The following PCOLCE2 variants were observed in gnomAD, a reference collection of about 807,000 sequenced individuals.
The protein encoded by PCOLCE2 is procollagen C-endopeptidase enhancer 2.
In PCOLCE2, 42 loss-of-function variants were observed where a neutral mutation model predicts 47.0. That is an observed-to-expected ratio of 0.89 (90% CI 0.70 to 1.16). The LOEUF is 1.16. PCOLCE2 is among the 50% of genes most tolerant of loss of function. The probability of loss-of-function intolerance (pLI) is 0.00; values close to 1 mark genes in which losing one functional copy is unlikely to be tolerated. For missense variants in PCOLCE2, 500 were observed against 526.1 expected, an observed-to-expected ratio of 0.95 and a Z score of 0.49; for synonymous variants, 169 against 191.7, an observed-to-expected ratio of 0.88 and a Z score of 0.98.
chr3:142,862,481 T>C (rs1469862868), intron 2 of PCOLCE2, among the ~76,000 whole-genome samples: 1 of 152,192 alleles, frequency 6.6e-6, no homozygotes, highest in African/African-American at 2.4e-5. Flanking sequence ...TTCCTGTGAG[T>C]TTAAACTTTT....
rs1936975460 is a variant in PCOLCE2, at chr3:142,818,446, C to T, written c.1137G>A (p.Met379Ile). The change falls in exon 9 of 9, where the codon ATG (methionine) becomes ATA (isoleucine). Residue 379 changes from methionine (M) to isoleucine (I), a missense_variant. Met to Ile is a conservative substitution (Grantham distance 10). Transcript: ENST00000295992. ...LLRRGLNYII[M>I]GQVGEDGRGK... The stretch of plus-strand genomic sequence containing the variant: ...CTCGCCCATCTTCACCTACTTGGCC[C>T]ATAATAATGTAATTTAGACCTAAAG... The T allele has an allele frequency of 6.2e-7, 1 of 1,611,788 alleles. No homozygotes were observed. Among genetic ancestry groups the T allele is most frequent in the Non-Finnish European group, 8.5e-7 (1 of 1,178,160 alleles).
chr3:142,883,691 C>T (rs1259193241), intron 2 of PCOLCE2, among the ~76,000 whole-genome samples: 2 of 143,714 alleles, frequency 1.4e-5, no homozygotes, highest in Admixed American at 7.0e-5. Context: ...CGTATGTCTA[C>T]TTTTCTTTAA....
Position 142,888,904 on chromosome 3 carries a change from T to G in PCOLCE2, c.-8A>C. On this transcript the variant is annotated 5_prime_UTR_variant, in exon 1 of 9. Transcript: ENST00000295992. ...GGCGTTCGCGCCCCTCATGGCAGCG[T>G]AGACGCTCGGGGTTTGCACCCCACG... 6.8e-7 allele frequency: 1 copy of G among 1,465,550 alleles called. No individual in the cohort carries two copies. The highest frequency in any genetic ancestry group is 1.4e-5 in the South Asian group (1 of 71,022). The allele number at this position is 1,465,550 out of a possible 1,614,324, so 90.8% of individuals were successfully genotyped here.
chr3:142,884,756 C>T (rs73864484), intron 2 of PCOLCE2, among the ~76,000 whole-genome samples: 22 of 152,304 alleles, frequency 1.4e-4, no homozygotes, highest in African/African-American at 5.3e-4. Flanking sequence ...CTAAGCAGCA[C>T]AGAGCACCTC....
In PCOLCE2 at chr3:142,818,340, A is replaced by G. The variant is rs1936973890; in HGVS notation, c.1243T>C (p.Cys415Arg). Residue 415 changes from cysteine (C) to arginine (R), a missense_variant, in exon 9 of 9, where the codon TGT becomes CGT. Cys to Arg is a radical substitution (Grantham distance 180). Coordinates refer to ENST00000295992, the MANE Select transcript of PCOLCE2 (RefSeq NM_013363.4). The stretch of plus-strand genomic sequence containing the variant: ...TAAATGGACACAGTTCACTGTTAAC[A>G]TTGCTTATTTTTTAAGGCATCCAGG... Reference protein sequence around the residue: ...KLLDALKNKQC With the variant: ...KLLDALKNKQR 1 of 1,613,518 alleles carries G rather than the reference A, an allele frequency of 6.2e-7. No individual in the cohort carries two copies. Among genetic ancestry groups the G allele is most frequent in the East Asian group, 2.2e-5 (1 of 44,870 alleles).
chr3:142,857,803 A>G lies in PCOLCE2; in HGVS notation c.193-9331T>C, dbSNP rs569240686. Among the ~76,000 whole-genome samples the G allele has an allele frequency of 3.3e-5, 5 of 152,252 alleles. No homozygotes were observed. The East Asian group carries it at 9.7e-4, about 29-fold the overall frequency. On this transcript the variant is annotated intron_variant, in intron 2 of 8. Coordinates refer to ENST00000295992, the MANE Select transcript of PCOLCE2 (RefSeq NM_013363.4). ...GTTGAAGGAATAAAAGAATGAAAGA[A>G]TAACAGAGGAGCTTCCTATTACCTG...
chr3:142,847,510 A>G (rs1369296582), intron 3 of PCOLCE2, among the ~76,000 whole-genome samples: 1 of 152,166 alleles, frequency 6.6e-6, no homozygotes, highest in Non-Finnish European at 1.5e-5. Flanking sequence ...GGAGCTCACT[A>G]TATCTCATAT....
At chr3:142,865,330 A>T (rs1459806170) in intron 2 of PCOLCE2, among the ~76,000 whole-genome samples, 2 of 151,358 alleles carry the variant, frequency 1.3e-5, no homozygotes, top group East Asian at 1.9e-4. Context: ...TTTTTTTTTT[A>T]AATTGTCAAC....
rs770868528 is a variant in PCOLCE2, at chr3:142,842,928, T to C, written c.569A>G (p.Asn190Ser). ...TCVWHIVAPK[N>S]QLIELKFEKF... ...CACACTTCCAGGGAATCTCACCTGA[T>C]TCTTTGGGGCTACAATGTGCCACAC... Residue 190 changes from asparagine (N) to serine (S), a missense_variant, in exon 4 of 9, where the codon AAT becomes AGT. By Grantham distance (46) the Asn-to-Ser change is conservative (BLOSUM62 1). Coordinates refer to ENST00000295992, the MANE Select transcript of PCOLCE2 (RefSeq NM_013363.4). The surrounding 1 kb of genome is among the most constrained non-coding windows in gnomAD (Gnocchi z 4.1). 1.2e-6 allele frequency: 2 copies of C among 1,614,034 alleles called. No homozygotes were observed. The highest frequency in any genetic ancestry group is 2.2e-5 in the South Asian group (2 of 91,070).
At chr3:142,825,400 C>T (rs372912224) in intron 6 of PCOLCE2, among the ~76,000 whole-genome samples, 22 of 152,202 alleles carry the variant, frequency 1.4e-4, no homozygotes, top group African/African-American at 5.3e-4. Context: ...AAGCTGGTCC[C>T]GGTTCTCAGC....
In PCOLCE2 at chr3:142,844,139, A is replaced by T. The variant is rs895741105; in HGVS notation, c.449-1091T>A. On this transcript the variant is annotated intron_variant, in intron 3 of 8. Coordinates refer to ENST00000295992, the MANE Select transcript of PCOLCE2 (RefSeq NM_013363.4). ...GAAATGCACAAATCTTAGCTGTACA[A>T]ATCTGAAAAATGGATATACCTGTGT... is the stretch of plus-strand genomic sequence containing the variant. Among the ~76,000 whole-genome samples, 5 of 152,160 alleles carry T rather than the reference A, an allele frequency of 3.3e-5. No homozygotes were observed. The South Asian group carries it at 8.3e-4, about 25-fold the overall frequency.
rs1408145199 is a variant in PCOLCE2 at position 142,848,429 on chromosome 3, T to A, written c.236A>T (p.Asp79Val). 1 of 1,605,470 alleles carries A rather than the reference T, an allele frequency of 6.2e-7. No homozygotes were observed. The highest frequency in any genetic ancestry group is 2.2e-5 in the East Asian group (1 of 44,624). ...GCGGCACAGGTTGTCACTCTCGAGG[T>A]CTATGAATCGGAAATTGAGAACGAC... is the stretch of plus-strand genomic sequence containing the variant. ...KVVVLNFRFI[D>V]LESDNLCRYD... Residue 79 changes from aspartate to valine, a missense_variant, in exon 3 of 9, where the codon GAC (aspartate) becomes GTC (valine). Coordinates refer to ENST00000295992, the MANE Select transcript of PCOLCE2 (RefSeq NM_013363.4).
chr3:142,857,063 G>C (rs1933077027), intron 2 of PCOLCE2, among the ~76,000 whole-genome samples: 2 of 152,066 alleles, frequency 1.3e-5, no homozygotes, highest in South Asian at 4.1e-4. Flanking sequence ...TAGTAAGTAA[G>C]AGTCTCCATT....
intron 3 of PCOLCE2, among the ~76,000 whole-genome samples, chr3:142,844,546 C>T (rs1937303034): frequency 6.6e-6 from 1 of 152,184 alleles, no homozygotes; most frequent in South Asian, 2.1e-4. Flanking sequence ...TGCTTTACAT[C>T]TTTGCTACCA....
At chr3:142,878,851 T>C (rs1407202237) in intron 2 of PCOLCE2, among the ~76,000 whole-genome samples, 1 of 147,658 alleles carries the variant, frequency 6.8e-6, no homozygotes, top group African/African-American at 2.6e-5. Context: ...AGACTTTGTC[T>C]CAAAAAAAAA....
chr3:142,823,649 A>T, intron 6 of PCOLCE2, 34 bp from the exon 7 acceptor site: 2 of 1,265,374 alleles, frequency 1.6e-6, no homozygotes, highest in Non-Finnish European at 2.3e-6. Context: ...TTCACGAAAA[A>T]TGAATTCAAG....
intron 5 of PCOLCE2, among the ~76,000 whole-genome samples, chr3:142,830,739 T>C (rs1937142218): frequency 6.6e-6 from 1 of 152,216 alleles, no homozygotes; most frequent in South Asian, 2.1e-4. Context: ...TTTGCTATTG[T>C]TATTTACACA....
chr3:142,887,823 C>A (rs1410470976), intron 1 of PCOLCE2, 46 bp from the exon 2 acceptor site: 1 of 1,042,670 alleles, frequency 9.6e-7, no homozygotes, highest in Admixed American at 1.8e-5. Context: ...GAAACATGGT[C>A]TAACAATCTG....
rs745994561 is a variant in PCOLCE2 at position 142,823,593 on chromosome 3, C to A, written c.888G>T (p.Leu296Phe). Reference protein sequence around the residue: ...VTTGLKPTVALCQQKCRRTGT... With the variant: ...VTTGLKPTVAFCQQKCRRTGT... ...CCGTCCGTCTACACTTTTGTTGACA[C>A]AAGGCCACGGTGGGTTTTAAACCTT... is the stretch of plus-strand genomic sequence containing the variant. Residue 296 changes from leucine (L) to phenylalanine (F), a missense_variant, in exon 7 of 9, where the codon TTG (leucine) becomes TTT (phenylalanine). Physicochemically the swap from Leu to Phe is conservative, Grantham distance 22. Coordinates refer to ENST00000295992, the MANE Select transcript of PCOLCE2 (RefSeq NM_013363.4). The A allele has an allele frequency of 1.2e-6, 2 of 1,608,766 alleles. No homozygotes were observed. The highest frequency in any genetic ancestry group is 1.7e-6 in the Non-Finnish European group (2 of 1,175,522).
Sources: gnomAD v4.1 joint callset for allele counts (sites outside exome capture counted in the v4.1 genomes callset) on GRCh38, gnomAD v4.1.1 for gene constraint, Gnocchi (gnomAD v3.1) non-coding constraint, MANE v1.5 for transcripts, NCBI Gene and HGNC (gene_info 2026-07-23, HGNC 2026-07-21) for gene names.